EFHD1: variants seen among roughly 807,000 people sequenced by gnomAD.
EFHD1 encodes the protein EF-hand domain-containing protein D1.
Under a neutral mutation model 17.2 loss-of-function variants are expected in EFHD1, and 10 were observed. That is an observed-to-expected ratio of 0.58 (90% CI 0.36 to 0.99). The LOEUF (loss-of-function observed/expected upper bound fraction) is 0.99, where lower values mean the gene tolerates loss of function less well. Ranked by LOEUF, EFHD1 falls within the 50% of genes least tolerant of loss-of-function variation. The pLI is 0.01. For missense variants in EFHD1, 310 were observed against 327.5 expected (o/e 0.95, Z 0.41); for synonymous variants, 153 against 142.0 (o/e 1.08, Z -0.55).
At chr2:232,679,527 C>T (rs1390294964) in intron 3 of EFHD1, among the ~76,000 whole-genome samples, 1 of 151,434 alleles carries the variant, frequency 6.6e-6, no homozygotes, top group African/African-American at 2.4e-5. Flanking sequence ...CCAGCCTGGG[C>T]AACATAGAGC....
intron 3 of EFHD1, among the ~76,000 whole-genome samples, chr2:232,675,646 C>T (rs1185784690): frequency 2.0e-5 from 3 of 152,078 alleles, no homozygotes; most frequent in Non-Finnish European, 4.4e-5. Flanking sequence ...TTGACGTGAT[C>T]GGGGTGGGCA....
upstream of EFHD1, chr2:232,633,468 C>A: frequency 8.1e-7 from 1 of 1,235,256 alleles, no homozygotes; most frequent in Non-Finnish European, 1.0e-6. Context: ...GACACCCAGA[C>A]ACCGGCGGCC....
At chr2:232,608,822 C>T (rs1371099378) in intron 1 of EFHD1, among the ~76,000 whole-genome samples, 1 of 151,796 alleles carries the variant, frequency 6.6e-6, no homozygotes, top group East Asian at 2.0e-4. Flanking sequence ...CCCAGCTACT[C>T]AGGAGGCTGA....
intron 1 of EFHD1, among the ~76,000 whole-genome samples, chr2:232,636,047 G>C (rs947890041): frequency 6.6e-6 from 1 of 152,236 alleles, no homozygotes; most frequent in African/African-American, 2.4e-5. Context: ...TCAGTGCTTA[G>C]TTTCTCTTTT....
intron 2 of EFHD1, among the ~76,000 whole-genome samples, chr2:232,669,115 C>T (rs919851557): frequency 2.6e-5 from 4 of 152,170 alleles, no homozygotes; most frequent in African/African-American, 9.7e-5. Context: ...GCCTCTCATC[C>T]GCAGCCCTGA....
chr2:232,637,062 C>T (rs1243701598), intron 1 of EFHD1, among the ~76,000 whole-genome samples: 1 of 152,002 alleles, frequency 6.6e-6, no homozygotes, highest in Admixed American at 6.6e-5. Context: ...CTTAGAGCTG[C>T]CTGAATGAAA....
intron 3 of EFHD1, among the ~76,000 whole-genome samples, chr2:232,678,187 G>T (rs1321704282): frequency 6.6e-6 from 1 of 151,782 alleles, no homozygotes; most frequent in Non-Finnish European, 1.5e-5. Flanking sequence ...GGAGGCAGGA[G>T]AATCACTTGA....
In EFHD1 at chr2:232,681,881, C is replaced by T; in HGVS notation, c.*162C>T. On this transcript the variant is annotated 3_prime_UTR_variant, in exon 4 of 4. Transcript: ENST00000264059. The stretch of plus-strand genomic sequence containing the variant: ...GCCAGCCTTCATTCCTCCCAGTGTC[C>T]AAGCCCCTCCAGGAGGGTCCTGGGG... 8.5e-7 allele frequency: 1 copy of T among 1,178,718 alleles called. No individual in the cohort carries two copies. Among genetic ancestry groups the T allele is most frequent in the East Asian group, 2.7e-5 (1 of 37,564 alleles). 73.0% of individuals were successfully genotyped at this position (1,178,718 alleles called of 1,614,324 possible). A position where few individuals can be genotyped will look rare whatever the true frequency, so the allele number is the denominator to read the frequency against.
At chr2:232,627,158 G>C (rs953577766) in intron 1 of EFHD1, among the ~76,000 whole-genome samples, 1 of 147,866 alleles carries the variant, frequency 6.8e-6, no homozygotes, top group Non-Finnish European at 1.5e-5. Flanking sequence ...TTAACCCCAG[G>C]AGTTTGAGGC....
chr2:232,671,019 A>G (rs1695058121), intron 2 of EFHD1, among the ~76,000 whole-genome samples: 1 of 152,176 alleles, frequency 6.6e-6, no homozygotes, highest in Non-Finnish European at 1.5e-5. Flanking sequence ...GATGCTGCTA[A>G]TTTTTTACTT....
intron 1 of EFHD1, chr2:232,606,257 T>G: frequency 6.8e-7 from 1 of 1,474,692 alleles, no homozygotes; most frequent in Non-Finnish European, 9.3e-7. Context: ...TGGTCCAGAA[T>G]AGGTGCGCGG....
Position 232,633,910 on chromosome 2 carries a change from C to T in EFHD1, c.206C>T (p.Ala69Val), listed in dbSNP as rs2106193245. Residue 69 changes from alanine (A) to valine (V), a missense_variant, in exon 1 of 4, where the codon GCT (alanine) becomes GTT (valine). Physicochemically the swap from Ala to Val is moderately conservative, Grantham distance 64 (BLOSUM62 0). Transcript: ENST00000264059. The part of the protein sequence containing the change: ...LSRRLDINEG[A>V]ARPRRCRVFN... Reference sequence around the variant, plus strand: ...CGGCGGCTGGACATCAACGAGGGCGCTGCGCGGCCCCGGCGCTGCAGGGTC... The same window carrying T: ...CGGCGGCTGGACATCAACGAGGGCGTTGCGCGGCCCCGGCGCTGCAGGGTC... The T allele has an allele frequency of 6.3e-7, 1 of 1,582,832 alleles. No homozygotes were observed. Among genetic ancestry groups the T allele is most frequent in the South Asian group, 1.1e-5 (1 of 90,162 alleles).
intron 1 of EFHD1, among the ~76,000 whole-genome samples, chr2:232,624,741 GGC>G (rs1200697268): frequency 6.6e-6 from 1 of 152,200 alleles, no homozygotes; most frequent in African/African-American, 2.4e-5. Context: ...AGTCATTGAG[GGC>G]TATCTAGAAA....
intron 1 of EFHD1, among the ~76,000 whole-genome samples, chr2:232,622,492 A>G (rs1694034916): frequency 6.7e-6 from 1 of 150,014 alleles, no homozygotes; most frequent in Non-Finnish European, 1.5e-5. Flanking sequence ...GGTGGGGGGG[A>G]AGACATCTGG....
chr2:232,622,671 C>T (rs17362605), intron 1 of EFHD1, among the ~76,000 whole-genome samples: 50,189 of 151,746 alleles, frequency 0.33, 9,242 homozygotes, highest in Middle Eastern at 0.46. Context: ...TGATCAGAGC[C>T]GCTCGGTGGT....
At chr2:232,638,182 A>ATCTCGGTGGTC in intron 1 of EFHD1, 9 of 355,880 alleles carry the variant, frequency 2.5e-5, no homozygotes, top group East Asian at 1.5e-4. Flanking sequence ...GAGCTGGTGG[A>ATCTCGGTGGTC]GCAGTCAAGG....
At chr2:232,629,850 T>G (rs923413220), upstream of EFHD1, among the ~76,000 whole-genome samples, 4 of 150,854 alleles carry the variant, frequency 2.7e-5, no homozygotes, top group African/African-American at 4.8e-5. Context: ...TTTGCCCCCT[T>G]TAGTTTTTTT....
upstream of EFHD1, among the ~76,000 whole-genome samples, chr2:232,631,600 C>T (rs1184586682): frequency 8.6e-5 from 13 of 151,012 alleles, no homozygotes; most frequent in African/African-American, 2.4e-4. Context: ...TGTGAGCCAC[C>T]GCGCCCAGCC....
intron 1 of EFHD1, among the ~76,000 whole-genome samples, chr2:232,661,198 T>C (rs1258174471): frequency 6.6e-6 from 1 of 151,968 alleles, no homozygotes; most frequent in Non-Finnish European, 1.5e-5. Context: ...TTTAACCAAG[T>C]AAGTGGACAT....
Sources: gnomAD v4.1 joint callset for allele counts (sites outside exome capture counted in the v4.1 genomes callset) on GRCh38, gnomAD v4.1.1 for gene constraint, MANE v1.5 for transcripts, NCBI Gene and HGNC (gene_info 2026-07-23, HGNC 2026-07-21) for gene names.